ATE1: variants seen among roughly 807,000 people sequenced by gnomAD.
The protein encoded by ATE1 is arginyl-tRNA--protein transferase 1.
Under a neutral mutation model 70.5 loss-of-function variants are expected in ATE1, and 36 were observed. The ratio of observed to expected loss-of-function variants is 0.51; its 90% CI spans 0.39 to 0.67. ATE1 has a LOEUF of 0.67. Ranked by LOEUF, ATE1 falls within the 30% of genes least tolerant of loss-of-function variation. The probability of loss-of-function intolerance (pLI) is 0.00; values close to 1 mark genes in which losing one functional copy is unlikely to be tolerated. For synonymous variants in ATE1, 232 were observed against 219.3 expected (o/e 1.06, Z -0.51); for missense variants, 593 against 629.5 (o/e 0.94, Z 0.62).
chr10:121,831,518 G>C (rs371093653), intron 10 of ATE1, among the ~76,000 whole-genome samples: 1 of 152,070 alleles, frequency 6.6e-6, no homozygotes, highest in Non-Finnish European at 1.5e-5. Flanking sequence ...TGTCAGCTCC[G>C]CAAGTCAGGC....
chr10:121,763,413 T>C (rs1945137203), intron 11 of ATE1, among the ~76,000 whole-genome samples: 1 of 152,164 alleles, frequency 6.6e-6, no homozygotes, highest in African/African-American at 2.4e-5. Flanking sequence ...GACAGAATAT[T>C]ACGCAGCAAT....
At position 121,742,442 on chromosome 10, in the gene ATE1, G is replaced by A. The variant is rs3763753; in HGVS notation, c.*1238C>T. 0.16 allele frequency: 24,934 copies of A among 152,152 alleles called. 2,344 individuals carry two copies. Among genetic ancestry groups the A allele is most frequent in the Admixed American group, 0.27 (4,192 of 15,284 alleles). The allele number at this position is 152,152 out of a possible 1,614,324, so 9.4% of individuals were successfully genotyped here. On this transcript the variant is annotated 3_prime_UTR_variant, in exon 12 of 12. Coordinates refer to ENST00000224652, the MANE Select transcript of ATE1 (RefSeq NM_001001976.3). Reference sequence around the variant, plus strand: ...AAAACGGCTTGCTGGCCAAATAGCTGGTAGCAGAAGAGGGGATCAGCTGAC... The same window carrying A: ...AAAACGGCTTGCTGGCCAAATAGCTAGTAGCAGAAGAGGGGATCAGCTGAC...
chr10:121,825,705 G>A (rs1947980902), intron 10 of ATE1, among the ~76,000 whole-genome samples: 1 of 152,238 alleles, frequency 6.6e-6, no homozygotes, highest in Admixed American at 6.5e-5. Context: ...AGGATGTGGA[G>A]AAACTGGAAC....
At chr10:121,793,727 C>A (rs570223770) in intron 10 of ATE1, among the ~76,000 whole-genome samples, 1 of 152,094 alleles carries the variant, frequency 6.6e-6, no homozygotes, top group East Asian at 1.9e-4. Flanking sequence ...ATATATTAAG[C>A]CCTTGGTTTG....
At chr10:121,768,560 T>C (rs78522501) in intron 11 of ATE1, among the ~76,000 whole-genome samples, 2,116 of 152,244 alleles carry the variant, frequency 0.014, 48 homozygotes, top group African/African-American at 0.049. Context: ...TGGCCTGCTG[T>C]AGCCCTAAGA....
At chr10:121,839,812 CT>C (rs1160550589) in intron 9 of ATE1, among the ~76,000 whole-genome samples, 2 of 152,094 alleles carry the variant, frequency 1.3e-5, no homozygotes, top group African/African-American at 4.8e-5. Context: ...AAAAAAATCA[CT>C]TATGGACCAG....
intron 11 of ATE1, among the ~76,000 whole-genome samples, chr10:121,783,605 A>G (rs1946086957): frequency 6.6e-6 from 1 of 152,112 alleles, no homozygotes. Context: ...AAAACTCTGT[A>G]GTTCAACCAG....
At chr10:121,797,491 C>T (rs913185513) in intron 10 of ATE1, among the ~76,000 whole-genome samples, 4 of 152,030 alleles carry the variant, frequency 2.6e-5, no homozygotes, top group African/African-American at 9.7e-5. Context: ...CACTCCACAT[C>T]CCCTTGCCCC....
chr10:121,815,338 G>A (rs1007857949), intron 10 of ATE1, among the ~76,000 whole-genome samples: 7 of 152,026 alleles, frequency 4.6e-5, no homozygotes, highest in Admixed American at 1.3e-4. Flanking sequence ...GGGTTTCACC[G>A]TGTTAGCCAG....
At chr10:121,798,421 C>CTTTT (rs1216185833) in intron 10 of ATE1, among the ~76,000 whole-genome samples, 10 of 152,164 alleles carry the variant, frequency 6.6e-5, no homozygotes, top group African/African-American at 1.9e-4. Context: ...TTAATTTTCA[C>CTTTT]TTTAAAAAAG....
intron 7 of ATE1, among the ~76,000 whole-genome samples, chr10:121,877,741 C>T (rs562344360): frequency 1.3e-5 from 2 of 152,282 alleles, no homozygotes; most frequent in South Asian, 2.1e-4. Context: ...AAGGCTAAAA[C>T]TAAAGCATCA....
chr10:121,920,306 C>T (rs754526053), intron 3 of ATE1, among the ~76,000 whole-genome samples: 22 of 151,400 alleles, frequency 1.5e-4, no homozygotes, highest in Admixed American at 1.3e-3. Context: ...GGAAACATGG[C>T]GAGATCAGCC....
chr10:121,896,775 G>C (rs1215871410), intron 7 of ATE1, among the ~76,000 whole-genome samples: 1 of 118,092 alleles, frequency 8.5e-6, no homozygotes, highest in Non-Finnish European at 1.6e-5. Flanking sequence ...AGTGAGCCAA[G>C]ATCACGCCAC....
chr10:121,798,901 GA>G (rs66790507), intron 10 of ATE1, among the ~76,000 whole-genome samples: 36,092 of 105,554 alleles, frequency 0.34, 5,039 homozygotes, highest in Middle Eastern at 0.41. Flanking sequence ...TCTGTCTCAA[GA>G]AAAAAAAAAA....
chr10:121,807,169 T>C (rs1315948056), intron 10 of ATE1, among the ~76,000 whole-genome samples: 2 of 152,180 alleles, frequency 1.3e-5, no homozygotes, highest in African/African-American at 2.4e-5. Flanking sequence ...TCCCAAGATA[T>C]CACGCAGGTG....
At chr10:121,822,603 G>A (rs1415875006) in intron 10 of ATE1, among the ~76,000 whole-genome samples, 4 of 152,158 alleles carry the variant, frequency 2.6e-5, no homozygotes, top group Non-Finnish European at 5.9e-5. Context: ...AACATAAGCT[G>A]TACTACTGAA....
chr10:121,865,687 T>G (rs1249014675), intron 8 of ATE1, among the ~76,000 whole-genome samples: 1 of 152,156 alleles, frequency 6.6e-6, no homozygotes, highest in Non-Finnish European at 1.5e-5. Context: ...TTGCCTGACT[T>G]GACGAGGTGA....
intron 10 of ATE1, among the ~76,000 whole-genome samples, chr10:121,814,381 G>A (rs1335953880): frequency 6.6e-6 from 1 of 152,128 alleles, no homozygotes; most frequent in East Asian, 1.9e-4. Context: ...AAAATGATTC[G>A]CACACAATGT....
At chr10:121,745,658 C>T (rs969135057) in intron 11 of ATE1, among the ~76,000 whole-genome samples, 21 of 152,226 alleles carry the variant, frequency 1.4e-4, no homozygotes, top group East Asian at 5.8e-4. Flanking sequence ...ACCCGGGAGG[C>T]GGAGTTTGCA....
Sources: allele counts gnomAD v4.1 joint callset (sites outside exome capture counted in the v4.1 genomes callset), GRCh38; gene constraint gnomAD v4.1.1; transcripts MANE v1.5; gene names NCBI Gene and HGNC (gene_info 2026-07-23, HGNC 2026-07-21).